The following GPC6 variants were observed in gnomAD, a reference collection of about 807,000 sequenced individuals.
GPC6 encodes the protein glypican-6.
A neutral mutation model predicts 55.2 loss-of-function variants in GPC6; 14 were observed. The ratio of observed to expected loss-of-function variants is 0.25; its 90% CI spans 0.17 to 0.40. The LOEUF (loss-of-function observed/expected upper bound fraction) is 0.40, where lower values mean the gene tolerates loss of function less well. Among genes scored for constraint, GPC6 ranks in the 10% least tolerant of loss-of-function variants. GPC6 has a pLI of 1.00. For missense variants in GPC6, 641 were observed against 708.5 expected, an observed-to-expected ratio of 0.90 and a Z score of 1.08; for synonymous variants, 278 against 259.6, an observed-to-expected ratio of 1.07 and a Z score of -0.68.
chr13:93,295,290 C>CAAAAAAAAAAAAAAAAAAAAAAAAAAA (rs67379652), intron 1 of GPC6, among the ~76,000 whole-genome samples: 4 of 66,684 alleles, frequency 6.0e-5, no homozygotes, highest in African/African-American at 2.3e-4. Flanking sequence ...GACCCTGTCT[C>CAAAAAAAAAAAAAAAAAAAAAAAAAAA]AAAAAAAAAA....
intron 6 of GPC6, among the ~76,000 whole-genome samples, chr13:94,318,532 A>T (rs1299668400): frequency 2.1e-5 from 3 of 146,014 alleles, no homozygotes; most frequent in Admixed American, 1.3e-4. Context: ...ATTGTGTAAT[A>T]CTCACCCTTC....
intron 4 of GPC6, among the ~76,000 whole-genome samples, chr13:94,145,685 G>A (rs930609333): frequency 6.6e-6 from 1 of 152,134 alleles, no homozygotes; most frequent in Non-Finnish European, 1.5e-5. Flanking sequence ...CCATAAATGT[G>A]TGAACTTTTC....
intron 2 of GPC6, among the ~76,000 whole-genome samples, chr13:93,687,684 A>G (rs1220048033): frequency 2.6e-5 from 4 of 152,106 alleles, no homozygotes; most frequent in South Asian, 4.1e-4. Context: ...AATGCTCCCA[A>G]TAAGTGCTAA....
chr13:94,031,615 G>T (rs1002227172), intron 4 of GPC6, among the ~76,000 whole-genome samples: 3 of 152,218 alleles, frequency 2.0e-5, no homozygotes, highest in Admixed American at 2.0e-4. Context: ...AGGTATTGCC[G>T]TATTTTCATA....
chr13:94,028,468 A>G (rs867788443), intron 4 of GPC6, among the ~76,000 whole-genome samples: 1 of 151,690 alleles, frequency 6.6e-6, no homozygotes, highest in Non-Finnish European at 1.5e-5. Flanking sequence ...TTGAAGTTCC[A>G]TGCACTCCCG....
intron 4 of GPC6, among the ~76,000 whole-genome samples, chr13:94,060,815 A>C (rs1308077868): frequency 6.6e-6 from 1 of 152,182 alleles, no homozygotes; most frequent in Admixed American, 6.6e-5. Context: ...CATTAATACC[A>C]TACAAACTTT....
At chr13:93,238,737 G>A (rs1876325550) in intron 1 of GPC6, among the ~76,000 whole-genome samples, 1 of 151,584 alleles carries the variant, frequency 6.6e-6, no homozygotes, top group African/African-American at 2.4e-5. Flanking sequence ...GTCATATATG[G>A]CTTTTATTAT....
chr13:93,812,580 T>G (rs1364298400), intron 2 of GPC6, among the ~76,000 whole-genome samples: 1 of 152,178 alleles, frequency 6.6e-6, no homozygotes, highest in Admixed American at 6.5e-5. Flanking sequence ...CAAATGCAAT[T>G]TTTTCACTTC....
intron 2 of GPC6, among the ~76,000 whole-genome samples, chr13:93,802,365 A>T (rs1886402872): frequency 6.6e-6 from 1 of 152,018 alleles, no homozygotes; most frequent in South Asian, 2.1e-4. Flanking sequence ...ATAAAATCCT[A>T]CATCTAATTG....
chr13:93,887,668 G>A (rs1875425608), intron 3 of GPC6, among the ~76,000 whole-genome samples: 1 of 152,092 alleles, frequency 6.6e-6, no homozygotes, highest in Non-Finnish European at 1.5e-5. Context: ...AAGAGCCTCT[G>A]TGGGGAATTA....
intron 2 of GPC6, 120 bp downstream of exon 2, chr13:93,545,541 A>C: frequency 2.4e-6 from 2 of 835,462 alleles, no homozygotes; most frequent in Non-Finnish European, 2.0e-6. Flanking sequence ...AAATATTTAT[A>C]GCATTGTCTA....
intron 3 of GPC6, among the ~76,000 whole-genome samples, chr13:93,858,287 ATAT>A (rs1277443013): frequency 2.0e-5 from 3 of 151,646 alleles, no homozygotes; most frequent in Admixed American, 1.3e-4. Flanking sequence ...CACTGTCATT[ATAT>A]TATTAATTGA....
At chr13:93,231,398 T>C (rs1334725387) in intron 1 of GPC6, among the ~76,000 whole-genome samples, 13 of 14,186 alleles carry the variant, frequency 9.2e-4, no homozygotes, top group East Asian at 3.5e-3. Context: ...TATATATATG[T>C]ATATATATAT....
At chr13:93,848,033 A>G (rs1228484376) in intron 3 of GPC6, among the ~76,000 whole-genome samples, 14 of 152,236 alleles carry the variant, frequency 9.2e-5, no homozygotes, top group Non-Finnish European at 1.2e-4. Context: ...CAGTTTTTTG[A>G]ACACAACATT....
At chr13:93,929,460 A>T (rs1247161515) in intron 3 of GPC6, among the ~76,000 whole-genome samples, 4 of 152,192 alleles carry the variant, frequency 2.6e-5, no homozygotes, top group African/African-American at 4.8e-5. Context: ...GTGAATTTTT[A>T]AAAAATCTCT....
intron 4 of GPC6, among the ~76,000 whole-genome samples, chr13:94,124,283 T>C (rs1163053485): frequency 1.3e-5 from 2 of 152,098 alleles, no homozygotes; most frequent in Admixed American, 1.3e-4. Context: ...CTTTTTCCTT[T>C]CAATTTTGTG....
chr13:93,846,501 G>A (rs894845777), intron 3 of GPC6, among the ~76,000 whole-genome samples: 4 of 152,172 alleles, frequency 2.6e-5, no homozygotes, highest in African/African-American at 4.8e-5. Flanking sequence ...GGAATATGAT[G>A]TGAGCCACAT....
intron 1 of GPC6, among the ~76,000 whole-genome samples, chr13:93,466,930 A>G (rs1024044041): frequency 6.6e-6 from 1 of 152,228 alleles, no homozygotes; most frequent in Non-Finnish European, 1.5e-5. Flanking sequence ...TTATCCTCAA[A>G]ATAAATGCTT....
intron 3 of GPC6, among the ~76,000 whole-genome samples, chr13:93,990,255 A>G (rs1047525227): frequency 1.3e-5 from 2 of 151,964 alleles, no homozygotes; most frequent in African/African-American, 2.4e-5. Context: ...AAGGACAGTA[A>G]TGTCTGCCTT....
Sources: allele counts gnomAD v4.1 joint callset (sites outside exome capture counted in the v4.1 genomes callset), GRCh38; gene constraint gnomAD v4.1.1; transcripts MANE v1.5; gene names NCBI Gene and HGNC (gene_info 2026-07-23, HGNC 2026-07-21).